The following CGNL1 variants were observed in gnomAD, a reference collection of about 807,000 sequenced individuals.
The protein encoded by CGNL1 is cingulin-like protein 1.
Under a neutral mutation model 141.2 loss-of-function variants are expected in CGNL1, and 132 were observed. The ratio of observed to expected loss-of-function variants is 0.93; its 90% confidence interval spans 0.81 to 1.08. The LOEUF (loss-of-function observed/expected upper bound fraction) is 1.08. Among genes scored for constraint, CGNL1 ranks in the 50% least tolerant of loss-of-function variants. The pLI is 0.00. For missense variants in CGNL1, 1,870 were observed against 1,588.6 expected (o/e 1.18, Z -3.01); for synonymous variants, 690 against 622.1 (o/e 1.11, Z -1.63).
At position 57,438,394 on chromosome 15, in the gene CGNL1, G is replaced by T; in HGVS notation, c.395G>T (p.Arg132Leu). ...GAGGGCAAGAATGGAGTTCTAGATC[G>T]CAAAGACGGGTCTGTGAAGCCATCT... is the stretch of plus-strand genomic sequence containing the variant. ...LHEGKNGVLDRKDGSVKPSHL... is the reference protein window; with the variant it reads ...LHEGKNGVLDLKDGSVKPSHL... The change falls in exon 2 of 19, where the codon CGC becomes CTC. Residue 132 changes from arginine to leucine, a missense_variant. By Grantham distance (102) the Arg-to-Leu change is moderately radical. Coordinates refer to ENST00000281282, the MANE Select transcript of CGNL1 (RefSeq NM_032866.5). The T allele has an allele frequency of 1.9e-6, 3 of 1,614,138 alleles. No individual in the cohort carries two copies. Among genetic ancestry groups the T allele is most frequent in the East Asian group, 2.2e-5 (1 of 44,882 alleles).
At position 57,438,041 on chromosome 15, in the gene CGNL1, A is replaced by T. The variant is rs751149283; in HGVS notation, c.42A>T (p.Glu14Asp). 1 of 1,613,904 alleles carries T rather than the reference A, an allele frequency of 6.2e-7. No homozygotes were observed. The highest frequency in any genetic ancestry group is 1.1e-5 in the South Asian group (1 of 91,086). The stretch of plus-strand genomic sequence containing the variant: ...GTGAATATCAACATGTGCAGCAGGA[A>T]TATGGGGTCCATCTGAGACTCGCAA... ...YFGEYQHVQQ[E>D]YGVHLRLASD... is the part of the protein sequence containing the mutation. The change falls in exon 2 of 19, where the codon GAA becomes GAT. Residue 14 changes from glutamate to aspartate, a missense_variant. Coordinates refer to ENST00000281282, the MANE Select transcript of CGNL1 (RefSeq NM_032866.5).
intron 1 of CGNL1, among the ~76,000 whole-genome samples, chr15:57,393,196 A>G (rs1278312208): frequency 2.0e-5 from 3 of 152,156 alleles, no homozygotes; most frequent in African/African-American, 7.2e-5. Flanking sequence ...TGTAACTGAC[A>G]TTTCTATTGA....
intron 1 of CGNL1, among the ~76,000 whole-genome samples, chr15:57,412,774 T>C (rs541219980): frequency 6.6e-6 from 1 of 152,372 alleles, no homozygotes; most frequent in East Asian, 1.9e-4. Flanking sequence ...TGACAACCAT[T>C]CTGGTATTCA....
intron 14 of CGNL1, among the ~76,000 whole-genome samples, chr15:57,533,183 C>G (rs2032053372): frequency 6.6e-6 from 1 of 152,180 alleles, no homozygotes; most frequent in Non-Finnish European, 1.5e-5. Flanking sequence ...CAGCTGTGTT[C>G]CCTCCACCCT....
At chr15:57,464,432 A>G (rs1336649109) in intron 8 of CGNL1, among the ~76,000 whole-genome samples, 1 of 152,236 alleles carries the variant, frequency 6.6e-6, no homozygotes, top group Non-Finnish European at 1.5e-5. Context: ...TATGCAAGTC[A>G]AGAGCCTGTG....
At chr15:57,418,104 G>A (rs1425065911) in intron 1 of CGNL1, among the ~76,000 whole-genome samples, 1 of 152,298 alleles carries the variant, frequency 6.6e-6, no homozygotes, top group East Asian at 1.9e-4. Flanking sequence ...ATTTACAAGA[G>A]AGGAGTAGCT....
chr15:57,465,230 G>A (rs7495736), intron 8 of CGNL1, among the ~76,000 whole-genome samples: 29,407 of 151,848 alleles, frequency 0.19, 3,199 homozygotes, highest in South Asian at 0.29. Flanking sequence ...TTATAGAATA[G>A]AACATTAAGA....
intron 14 of CGNL1, among the ~76,000 whole-genome samples, chr15:57,540,008 G>A (rs7182268): frequency 0.2 from 30,666 of 152,132 alleles, 3,560 homozygotes; most frequent in East Asian, 0.49. Flanking sequence ...TCTGTGAGCA[G>A]CTGTCACAGT....
At chr15:57,425,774 A>T (rs1451585308) in intron 1 of CGNL1, among the ~76,000 whole-genome samples, 1 of 151,808 alleles carries the variant, frequency 6.6e-6, no homozygotes, top group Non-Finnish European at 1.5e-5. Context: ...CATTCATATG[A>T]ATACACAAGT....
chr15:57,398,955 C>A lies in CGNL1; in HGVS notation c.-16+22388C>A, dbSNP rs115498518. Among the ~76,000 whole-genome samples, 962 of 152,252 alleles carry A rather than the reference C, an allele frequency of 6.3e-3. 6 individuals carry two copies. Among genetic ancestry groups the A allele is most frequent in the African/African-American group, 0.022 (931 of 41,548 alleles). Reference sequence around the variant, plus strand: ...GCCCTTTAAATTTTATTTTTGCTCTCACAAATCCTTCTTTCCTTTTGAGTT... The same window carrying A: ...GCCCTTTAAATTTTATTTTTGCTCTAACAAATCCTTCTTTCCTTTTGAGTT... On this transcript the variant is annotated intron_variant, in intron 1 of 18. Coordinates refer to ENST00000281282, the MANE Select transcript of CGNL1 (RefSeq NM_032866.5).
Position 57,453,875 on chromosome 15 carries a change from G to T in CGNL1, c.2190+57G>T. 4 of 1,601,808 alleles carry T rather than the reference G, an allele frequency of 2.5e-6. No individual in the cohort carries two copies. In the South Asian group the frequency reaches 4.4e-5, roughly 18 times the overall value. ...CAGGCCCCACCTGCCTGGAAAGATG[G>T]AGTGGCTAGGGTTTGTGGACTGCAA... On this transcript the variant is annotated intron_variant, in intron 7 of 18. Transcript: ENST00000281282.
intron 8 of CGNL1, among the ~76,000 whole-genome samples, chr15:57,469,196 G>A (rs977466384): frequency 2.6e-5 from 4 of 151,950 alleles, no homozygotes; most frequent in South Asian, 2.1e-4. Context: ...ACCCCGCAGG[G>A]AGCATGAATT....
intron 8 of CGNL1, among the ~76,000 whole-genome samples, chr15:57,469,212 G>C (rs1373863686): frequency 7.9e-5 from 12 of 151,960 alleles, no homozygotes; most frequent in Non-Finnish European, 1.8e-4. Flanking sequence ...GAATTGGGGT[G>C]AGGAGGAAGA....
At chr15:57,443,115 G>A (rs572425614) in intron 4 of CGNL1, among the ~76,000 whole-genome samples, 1 of 152,328 alleles carries the variant, frequency 6.6e-6, no homozygotes, top group East Asian at 1.9e-4. Context: ...GTGTGAAAGA[G>A]AATGGGACTA....
At chr15:57,455,479 C>G (rs2063368121) in intron 7 of CGNL1, among the ~76,000 whole-genome samples, 1 of 152,126 alleles carries the variant, frequency 6.6e-6, no homozygotes, top group South Asian at 2.1e-4. Context: ...CTGTGAGTTG[C>G]CCCCTGATAT....
chr15:57,505,614 T>G (rs1191482117), intron 8 of CGNL1, among the ~76,000 whole-genome samples: 1 of 152,216 alleles, frequency 6.6e-6, no homozygotes, highest in Non-Finnish European at 1.5e-5. Flanking sequence ...CTTAACCCTG[T>G]GGGTACCAGA....
Position 57,394,101 on chromosome 15 carries a change from GTTTGT to G in CGNL1, c.-16+17538_-16+17542del, listed in dbSNP as rs754162075. 12 of 33,468 alleles carry G rather than the reference GTTTGT, an allele frequency of 3.6e-4. 1 individual carries two copies. The highest frequency in any genetic ancestry group is 1.6e-3 in the South Asian group (1 of 608). 2.1% of individuals were successfully genotyped at this position (33,468 alleles called of 1,614,324 possible). On this transcript the variant is annotated intron_variant, in intron 1 of 18. Coordinates refer to ENST00000281282, the MANE Select transcript of CGNL1 (RefSeq NM_032866.5). ...GCACCACCAAACCAGGGTAATTTCTGTTTGTTTTTTTTTTTTTTTTTGAGATGGAG... is the reference window on the plus strand; with the variant it reads ...GCACCACCAAACCAGGGTAATTTCTGTTTTTTTTTTTTTTTTGAGATGGAG...
intron 2 of CGNL1, 44 bp from the exon 3 acceptor site, chr15:57,440,333 G>C: frequency 5.6e-6 from 8 of 1,438,764 alleles, no homozygotes; most frequent in Non-Finnish European, 6.7e-6. Context: ...GGAAGCCTCT[G>C]GGAACTTCAT....
intron 8 of CGNL1, among the ~76,000 whole-genome samples, chr15:57,497,927 A>G (rs1174497590): frequency 6.6e-6 from 1 of 152,234 alleles, no homozygotes; most frequent in Non-Finnish European, 1.5e-5. Flanking sequence ...GAAGAGTGTG[A>G]AAGACATTCT....
Sources: allele counts gnomAD v4.1 joint callset (sites outside exome capture counted in the v4.1 genomes callset), GRCh38; gene constraint gnomAD v4.1.1; transcripts MANE v1.5; gene names NCBI Gene and HGNC (gene_info 2026-07-23, HGNC 2026-07-21).